KLRG1: variants seen among roughly 807,000 people sequenced by gnomAD.
KLRG1 encodes killer cell lectin like receptor G1.
In KLRG1, 16 loss-of-function variants were observed where a neutral mutation model predicts 21.8. That is an observed-to-expected ratio of 0.73 (90% CI 0.50 to 1.11). The LOEUF (loss-of-function observed/expected upper bound fraction) is 1.11, where lower values mean the gene tolerates loss of function less well. Ranked by LOEUF, KLRG1 falls within the 50% of genes most tolerant of loss-of-function variation. The probability of loss-of-function intolerance (pLI) is 0.00; values close to 1 mark genes in which losing one functional copy is unlikely to be tolerated. For missense variants in KLRG1, 173 were observed against 218.3 expected (o/e 0.79, Z 1.31); for synonymous variants, 69 against 75.9 (o/e 0.91, Z 0.47).
chr12:8,970,349 C>T (rs907210203), intron 1 of KLRG1: 1 of 152,198 alleles, frequency 6.6e-6, no homozygotes, highest in Admixed American at 6.5e-5. Flanking sequence ...TGGCTTCTTA[C>T]AGAAAACGTT....
At chr12:9,196,659 T>C in the KLRG1 span, 4 of 1,612,994 alleles carry the variant, frequency 2.5e-6, no homozygotes, top group South Asian at 2.2e-5. Flanking sequence ...TGTGTACTTG[T>C]TGGGTGATGC....
At chr12:9,067,923 A>G in the KLRG1 span, 8 of 1,326,956 alleles carry the variant, frequency 6.0e-6, no homozygotes, top group Non-Finnish European at 8.6e-6. Context: ...TCTGGGTAGC[A>G]TAGTGCCCAA....
the KLRG1 span, among the ~76,000 whole-genome samples, chr12:9,170,523 G>A: frequency 2.0e-5 from 3 of 152,190 alleles, no homozygotes; most frequent in Non-Finnish European, 2.9e-5. The surrounding 1 kb of genome is among the most constrained non-coding windows in gnomAD (Gnocchi z 4.6). Flanking sequence ...GCACCTCACA[G>A]GTTAAGACTC....
intron 3 of KLRG1, among the ~76,000 whole-genome samples, chr12:9,004,614 G>A (rs1177314019): frequency 1.3e-5 from 2 of 152,028 alleles, no homozygotes; most frequent in Non-Finnish European, 2.9e-5. Context: ...ATGTCACCAA[G>A]TACAAGCACA....
chr12:9,209,374 G>C, the KLRG1 span, among the ~76,000 whole-genome samples: 1 of 151,546 alleles, frequency 6.6e-6, no homozygotes, highest in South Asian at 2.1e-4. Context: ...TCACATCTTT[G>C]TTTCTTTTGT....
chr12:8,983,798 T>A (rs1946799464), intron 1 of KLRG1, among the ~76,000 whole-genome samples: 1 of 152,204 alleles, frequency 6.6e-6, no homozygotes, highest in Non-Finnish European at 1.5e-5. Flanking sequence ...CCATTATTAA[T>A]GTGTTATTTA....
At chr12:8,953,718 CATATT>C (rs1343918046) in intron 1 of KLRG1, among the ~76,000 whole-genome samples, 3 of 152,070 alleles carry the variant, frequency 2.0e-5, no homozygotes, top group African/African-American at 7.2e-5. Context: ...AAACAGATAT[CATATT>C]GGCGATTTTA....
At chr12:9,157,098 A>G in the KLRG1 span, 1 of 1,398,834 alleles carries the variant, frequency 7.1e-7, no homozygotes, top group Non-Finnish European at 9.8e-7. Flanking sequence ...CCTCCCAGAC[A>G]GGCCCCAATG....
At chr12:9,174,619 G>C in the KLRG1 span, among the ~76,000 whole-genome samples, 2 of 152,080 alleles carry the variant, frequency 1.3e-5, no homozygotes, top group African/African-American at 4.8e-5. Context: ...AAAATCTCAG[G>C]ATACAAAATC....
At chr12:9,196,440 C>G in the KLRG1 span, 1 of 1,606,414 alleles carries the variant, frequency 6.2e-7, no homozygotes. Flanking sequence ...ACTTCCAGGT[C>G]TGAAAAATAT....
At chr12:9,204,127 C>G in the KLRG1 span, among the ~76,000 whole-genome samples, 1 of 152,172 alleles carries the variant, frequency 6.6e-6, no homozygotes, top group Non-Finnish European at 1.5e-5. Flanking sequence ...TTATCTTTTA[C>G]TCATCAGCCA....
At chr12:9,079,478 T>C in the KLRG1 span, 28 of 1,091,896 alleles carry the variant, frequency 2.6e-5, no homozygotes, top group East Asian at 2.0e-4. Context: ...AAATATTTTA[T>C]TGGAGGTTGG....
At chr12:9,091,170 C>T in the KLRG1 span, 1 of 1,601,216 alleles carries the variant, frequency 6.2e-7, no homozygotes, top group Non-Finnish European at 8.6e-7. Flanking sequence ...TGATGGCTAC[C>T]TTGTATTTAA....
the KLRG1 span, chr12:9,089,086 G>C: frequency 3.0e-3 from 2,461 of 820,512 alleles, 5 homozygotes; most frequent in Non-Finnish European, 3.8e-3. Flanking sequence ...CAAATGCATT[G>C]ATGGTGCTTC....
the KLRG1 span, among the ~76,000 whole-genome samples, chr12:9,123,169 AGT>A: frequency 6.6e-6 from 1 of 152,230 alleles, no homozygotes; most frequent in Non-Finnish European, 1.5e-5. Context: ...TGTATATAGT[AGT>A]TCCCCTTATC....
intron 1 of KLRG1, among the ~76,000 whole-genome samples, chr12:8,959,319 A>G (rs1414979610): frequency 1.3e-5 from 2 of 152,196 alleles, no homozygotes; most frequent in East Asian, 3.8e-4. Context: ...TAAAACCTGA[A>G]GAACTGGTCT....
intron 1 of KLRG1, among the ~76,000 whole-genome samples, chr12:8,956,442 AT>A (rs201472387): frequency 2.2e-4 from 33 of 151,022 alleles, no homozygotes; most frequent in South Asian, 8.4e-4. Context: ...CCCCCACCGC[AT>A]TTTTTTTTCT....
At chr12:9,097,325 C>A in the KLRG1 span, among the ~76,000 whole-genome samples, 1 of 151,980 alleles carries the variant, frequency 6.6e-6, no homozygotes, top group Non-Finnish European at 1.5e-5. Flanking sequence ...ATATAAATTT[C>A]TCTTTGTTAA....
At chr12:9,187,638 A>T in the KLRG1 span, among the ~76,000 whole-genome samples, 2 of 152,232 alleles carry the variant, frequency 1.3e-5, no homozygotes, top group Admixed American at 1.3e-4. Context: ...ACCAGTAAGA[A>T]CAAAGATACA....
Sources: gnomAD v4.1 joint callset for allele counts (sites outside exome capture counted in the v4.1 genomes callset) on GRCh38, gnomAD v4.1.1 for gene constraint, Gnocchi (gnomAD v3.1) non-coding constraint, MANE v1.5 for transcripts, NCBI Gene and HGNC (gene_info 2026-07-23, HGNC 2026-07-21) for gene names.